MOB1B: variants seen among roughly 807,000 people sequenced by gnomAD.
The protein encoded by MOB1B is MOB kinase activator 1B.
MOB1B carries 19 observed loss-of-function variants against 24.4 expected under a neutral mutation model. That is an observed-to-expected ratio of 0.78 (90% CI 0.54 to 1.14). The LOEUF (loss-of-function observed/expected upper bound fraction) is 1.14, where lower values mean the gene tolerates loss of function less well. MOB1B is among the 50% of genes most tolerant of loss of function. The pLI is 0.00. For synonymous variants in MOB1B, 76 were observed against 82.1 expected (o/e 0.93, Z 0.40); for missense variants, 243 against 259.6 (o/e 0.94, Z 0.44).
At chr4:70,949,405 C>G (rs1012726685) in intron 1 of MOB1B, among the ~76,000 whole-genome samples, 3 of 152,124 alleles carry the variant, frequency 2.0e-5, no homozygotes. Flanking sequence ...AGCTTTTAGT[C>G]TTATTATTTC....
intron 1 of MOB1B, among the ~76,000 whole-genome samples, chr4:70,940,444 C>T (rs1042414989): frequency 1.3e-5 from 2 of 152,106 alleles, no homozygotes; most frequent in African/African-American, 2.4e-5. Context: ...ACACAAACCA[C>T]CAAATTTGAA....
At chr4:70,962,187 C>G (rs1738333783) in intron 2 of MOB1B, among the ~76,000 whole-genome samples, 1 of 152,162 alleles carries the variant, frequency 6.6e-6, no homozygotes, top group African/African-American at 2.4e-5. Flanking sequence ...AGGGAGACCT[C>G]TTCTCTAAAC....
intron 1 of MOB1B, among the ~76,000 whole-genome samples, chr4:70,946,084 C>CTT (rs11331194): frequency 0.012 from 1,047 of 85,332 alleles, 16 homozygotes; most frequent in African/African-American, 0.041. Context: ...TTTGTTTGTT[C>CTT]TTTTTTTTTT....
intron 1 of MOB1B, among the ~76,000 whole-genome samples, chr4:70,941,902 C>T (rs532025777): frequency 1.9e-4 from 29 of 152,002 alleles, no homozygotes; most frequent in Non-Finnish European, 3.7e-4. Context: ...TGATGGTAAC[C>T]CTGTATAAGA....
intron 4 of MOB1B, among the ~76,000 whole-genome samples, chr4:70,976,974 C>G (rs552051091): frequency 6.6e-6 from 1 of 151,980 alleles, no homozygotes; most frequent in Non-Finnish European, 1.5e-5. Flanking sequence ...CCTTCCCTCT[C>G]CCTCTCCCGA....
In MOB1B at chr4:70,912,429, G is replaced by A. The variant is rs961963422; in HGVS notation, c.14+9879G>A. ...CAAGTAGCTGGGATTACAGGTGCCC[G>A]CCACCACACCCAGCTAATTTTTATA... On this transcript the variant is annotated intron_variant, in intron 1 of 5. Coordinates refer to ENST00000309395, the MANE Select transcript of MOB1B (RefSeq NM_173468.4). 7.9e-5 allele frequency among the ~76,000 whole-genome samples: 12 copies of A among 151,778 alleles called. 1 individual carries two copies. The highest frequency in any genetic ancestry group is 2.1e-4 in the South Asian group (1 of 4,798).
At chr4:70,911,077 C>T (rs899304329) in intron 1 of MOB1B, among the ~76,000 whole-genome samples, 4 of 152,134 alleles carry the variant, frequency 2.6e-5, no homozygotes, top group Admixed American at 1.3e-4. Context: ...TGAGCCACCG[C>T]GCCCTGCTAA....
chr4:70,929,182 C>CTTT (rs11362114), intron 1 of MOB1B, among the ~76,000 whole-genome samples: 19 of 94,920 alleles, frequency 2.0e-4, no homozygotes, highest in East Asian at 6.3e-4. Context: ...TTCTTTCTTT[C>CTTT]TTTTTTTTTT....
intron 1 of MOB1B, among the ~76,000 whole-genome samples, chr4:70,936,357 T>G (rs1737084796): frequency 6.6e-6 from 1 of 152,166 alleles, no homozygotes; most frequent in Non-Finnish European, 1.5e-5. Context: ...TGTAATATTG[T>G]GGTTTCTTTT....
intron 1 of MOB1B, among the ~76,000 whole-genome samples, chr4:70,908,196 T>C (rs1735828788): frequency 6.6e-6 from 1 of 151,616 alleles, no homozygotes; most frequent in Non-Finnish European, 1.5e-5. Context: ...CGGCTACTTT[T>C]TTTTTGTATT....
chr4:70,917,263 A>G (rs909160644), intron 1 of MOB1B, among the ~76,000 whole-genome samples: 5 of 152,156 alleles, frequency 3.3e-5, no homozygotes, highest in Non-Finnish European at 1.5e-5. Flanking sequence ...TCTTTTATCT[A>G]TGGAAGTATA....
chr4:70,966,564 G>A (rs1738539294), intron 2 of MOB1B, among the ~76,000 whole-genome samples: 1 of 151,642 alleles, frequency 6.6e-6, no homozygotes, highest in Admixed American at 6.6e-5. Flanking sequence ...AGTAGAGACG[G>A]GGTTTCTCCA....
intron 1 of MOB1B, among the ~76,000 whole-genome samples, chr4:70,914,897 G>T (rs2148869548): frequency 6.6e-6 from 1 of 152,272 alleles, no homozygotes; most frequent in South Asian, 2.1e-4. Context: ...GCATATAAAG[G>T]ATGAAAGCAG....
chr4:70,957,668 C>T (rs1738122770), intron 1 of MOB1B, among the ~76,000 whole-genome samples: 1 of 151,854 alleles, frequency 6.6e-6, no homozygotes, highest in Admixed American at 6.6e-5. Flanking sequence ...GTCTCGAACT[C>T]CTGGCCTGAT....
At chr4:70,927,144 C>T (rs1040915252) in intron 1 of MOB1B, among the ~76,000 whole-genome samples, 12 of 152,026 alleles carry the variant, frequency 7.9e-5, no homozygotes, top group African/African-American at 2.7e-4. Flanking sequence ...GGTTAAAGAC[C>T]CTTGCACTGC....
intron 4 of MOB1B, among the ~76,000 whole-genome samples, chr4:70,977,830 G>A (rs1318294453): frequency 1.3e-5 from 2 of 152,054 alleles, no homozygotes; most frequent in South Asian, 2.1e-4. Flanking sequence ...AACTGGGGCC[G>A]CAGGTATACA....
rs559951920 is a variant in MOB1B, at chr4:70,950,179, T to C, written c.15-8695T>C. On this transcript the variant is annotated intron_variant, in intron 1 of 5. Coordinates refer to ENST00000309395, the MANE Select transcript of MOB1B (RefSeq NM_173468.4). ...GGCCGAGTGCTGTGGCTCACGCCTG[T>C]AATCCCAGCACTTTGGGAGGCTGAG... Among the ~76,000 whole-genome samples, 461 of 152,258 alleles carry C rather than the reference T, an allele frequency of 3.0e-3. 3 individuals are homozygous for C. Among genetic ancestry groups the C allele is most frequent in the Non-Finnish European group, 4.6e-3 (311 of 68,014 alleles).
chr4:70,949,106 T>C (rs1221230029), intron 1 of MOB1B, among the ~76,000 whole-genome samples: 1 of 152,224 alleles, frequency 6.6e-6, no homozygotes, highest in Non-Finnish European at 1.5e-5. Context: ...GGCATATCTA[T>C]GCTAGGTTTT....
rs191056059 is a variant in MOB1B, at chr4:70,974,759, A to G, written c.276-394A>G. 3.2e-3 allele frequency among the ~76,000 whole-genome samples: 480 copies of G among 152,342 alleles called. 1 individual carries two copies. The highest frequency in any genetic ancestry group is 4.8e-3 in the Non-Finnish European group (329 of 68,030). ...CCGAAAATTTAAAGCCCCAAGTTAA[A>G]AAGAATTGTACTGTGTAAGGAGAAG... On this transcript the variant is annotated intron_variant, in intron 3 of 5. Transcript: ENST00000309395.
Sources: allele counts gnomAD v4.1 joint callset (sites outside exome capture counted in the v4.1 genomes callset), GRCh38; gene constraint gnomAD v4.1.1; transcripts MANE v1.5; gene names NCBI Gene and HGNC (gene_info 2026-07-23, HGNC 2026-07-21).